The following SERPINC1 variants were observed in gnomAD, a reference collection of about 807,000 sequenced individuals.
The protein encoded by SERPINC1 is serpin family C member 1.
SERPINC1 carries 12 observed loss-of-function variants against 43.4 expected under a neutral mutation model. That is an observed-to-expected ratio of 0.28 (90% CI 0.18 to 0.45). The LOEUF (loss-of-function observed/expected upper bound fraction) is 0.45, where lower values mean the gene tolerates loss of function less well. Ranked by LOEUF, SERPINC1 falls within the 20% of genes least tolerant of loss-of-function variation. The pLI, the probability that SERPINC1 is intolerant of heterozygous loss-of-function variation, is 1.00. For synonymous variants in SERPINC1, 210 were observed against 218.9 expected (o/e 0.96, Z 0.36); for missense variants, 423 against 578.8 (o/e 0.73, Z 2.76).
At chr1:173,910,644 G>A (rs140695343) in intron 4 of SERPINC1, 110 bp downstream of exon 4, 161 of 936,416 alleles carry the variant, frequency 1.7e-4, no homozygotes, top group Middle Eastern at 6.3e-4. Flanking sequence ...TGTAGCTTTC[G>A]GCAGTCCATT....
intron 1 of SERPINC1, among the ~76,000 whole-genome samples, 199 bp downstream of exon 1, chr1:173,917,020 T>A (rs573643278): frequency 6.6e-6 from 1 of 151,982 alleles, no homozygotes; most frequent in East Asian, 1.9e-4. Flanking sequence ...ACCCAAGGGG[T>A]AGCTTAGGAA....
intron 1 of SERPINC1, among the ~76,000 whole-genome samples, chr1:173,916,329 C>A (rs1318921487): frequency 1.3e-5 from 2 of 152,108 alleles, no homozygotes; most frequent in Admixed American, 1.3e-4. Flanking sequence ...AGACAGGCAC[C>A]CAGTGCAGAT....
rs1178405461 is a variant in SERPINC1, at chr1:173,903,938, A to T, written c.1346T>A (p.Leu449Gln). 3 of 1,614,094 alleles carry T rather than the reference A, an allele frequency of 1.9e-6. No individual in the cohort carries two copies. The highest frequency in any genetic ancestry group is 4.5e-5 in the East Asian group (2 of 44,900). ...TCTGCCCATGAAGATAATAGTGTTCAGAGGAACTTCTCTTATAAAAACCAG... is the reference window on the plus strand; with the variant it reads ...TCTGCCCATGAAGATAATAGTGTTCTGAGGAACTTCTCTTATAAAAACCAG... The part of the protein sequence containing the change: ...PFLVFIREVP[L>Q]NTIIFMGRVA... The change falls in exon 7 of 7, where the codon CTG becomes CAG. Residue 449 changes from leucine (L) to glutamine (Q), a missense_variant. Coordinates refer to ENST00000367698, the MANE Select transcript of SERPINC1 (RefSeq NM_000488.4).
At chr1:173,911,745 A>G in intron 3 of SERPINC1, 54 bp downstream of exon 3, 1 of 1,385,670 alleles carries the variant, frequency 7.2e-7, no homozygotes, top group Admixed American at 1.7e-5. Context: ...CACCTCCTCA[A>G]TCTCTGAGTG....
chr1:173,911,398 C>T (rs529228658), intron 3 of SERPINC1, among the ~76,000 whole-genome samples: 26 of 152,216 alleles, frequency 1.7e-4, no homozygotes, highest in Non-Finnish European at 2.6e-4. Context: ...TTTCTCAGAA[C>T]CTTCATAGGC....
intron 3 of SERPINC1, among the ~76,000 whole-genome samples, chr1:173,911,504 T>C (rs568570968): frequency 1.4e-3 from 207 of 152,348 alleles, no homozygotes; most frequent in South Asian, 3.5e-3. Flanking sequence ...GTAAGATATC[T>C]TGTAGAACTG....
In SERPINC1 at chr1:173,917,260, G is replaced by A; in HGVS notation, c.-1C>T. 2 of 1,613,892 alleles carry A rather than the reference G, an allele frequency of 1.2e-6. No homozygotes were observed. Among genetic ancestry groups the A allele is most frequent in the Non-Finnish European group, 8.5e-7 (1 of 1,179,836 alleles). On this transcript the variant is annotated 5_prime_UTR_variant, in exon 1 of 7. Transcript: ENST00000367698. Reference sequence around the variant, plus strand: ...CAGTTCCTATCACATTGGAATACATGGCCGCTAATCTTCCACAGGGCTGGG... The same window carrying A: ...CAGTTCCTATCACATTGGAATACATAGCCGCTAATCTTCCACAGGGCTGGG...
At chr1:173,913,801 G>A (rs928188071) in intron 2 of SERPINC1, among the ~76,000 whole-genome samples, 1 of 150,916 alleles carries the variant, frequency 6.6e-6, no homozygotes, top group African/African-American at 2.5e-5. Flanking sequence ...GTTGCAGTGA[G>A]CTGAGATCGT....
rs757851817 is a variant in SERPINC1, at chr1:173,914,647, T to C, written c.314A>G (p.Asn105Ser). The C allele has an allele frequency of 3.7e-6, 6 of 1,614,220 alleles. No individual in the cohort carries two copies. The highest frequency in any genetic ancestry group is 1.1e-5 in the South Asian group (1 of 91,086). ...YQHLADSKND[N>S]DNIFLSPLSI... ...CAGGGGTGACAGGAAAATGTTATCA[T>C]TGTCATTCTTGGAATCTGCCAGGTG... is the stretch of plus-strand genomic sequence containing the variant. The change falls in exon 2 of 7, where the codon AAT becomes AGT. Residue 105 changes from asparagine to serine, a missense_variant. Transcript: ENST00000367698.
intron 4 of SERPINC1, 148 bp from the exon 5 acceptor site, chr1:173,910,090 G>T: frequency 1.2e-6 from 1 of 817,206 alleles, no homozygotes; most frequent in Non-Finnish European, 2.0e-6. Context: ...AACAATGGCT[G>T]TGTCAGAATG....
At chr1:173,910,408 C>A (rs1657718527) in intron 4 of SERPINC1, among the ~76,000 whole-genome samples, 1 of 151,710 alleles carries the variant, frequency 6.6e-6, no homozygotes, top group Admixed American at 6.6e-5. Flanking sequence ...GAAACCCCGT[C>A]TTTACTAAAA....
chr1:173,911,468 T>C (rs1657766850), intron 3 of SERPINC1, among the ~76,000 whole-genome samples: 1 of 152,250 alleles, frequency 6.6e-6, no homozygotes, highest in South Asian at 2.1e-4. Flanking sequence ...CCAACTTTAT[T>C]TGACCATGAT....
chr1:173,905,589 C>T (rs762744892), intron 6 of SERPINC1, among the ~76,000 whole-genome samples: 4 of 152,124 alleles, frequency 2.6e-5, no homozygotes, highest in African/African-American at 7.2e-5. Context: ...GGCGTGGTGG[C>T]GGGCACCTGT....
At chr1:173,912,053 G>A in intron 2 of SERPINC1, 39 bp from the exon 3 acceptor site, 1 of 1,482,116 alleles carries the variant, frequency 6.7e-7, no homozygotes, top group Non-Finnish European at 9.4e-7. Context: ...GGTTTGGTGG[G>A]CTGCCTAGTT....
intron 5 of SERPINC1, among the ~76,000 whole-genome samples, chr1:173,908,029 A>AATAAT (rs1657603851): frequency 8.8e-6 from 1 of 114,054 alleles, no homozygotes; most frequent in Non-Finnish European, 1.9e-5. Context: ...ATAATAATAA[A>AATAAT]AGTACTTTGG....
At position 173,905,549 on chromosome 1, in the gene SERPINC1, G is replaced by A. The variant is rs181384967; in HGVS notation, c.1219-1484C>T. On this transcript the variant is annotated intron_variant, in intron 6 of 6. Coordinates refer to ENST00000367698, the MANE Select transcript of SERPINC1 (RefSeq NM_000488.4). ...AGCCTGGCCAACATGGTGAAACCCC[G>A]TCTCTACTAAAAATACAAAAATTTA... is the stretch of plus-strand genomic sequence containing the variant. Among the ~76,000 whole-genome samples, 108 of 152,178 alleles carry A rather than the reference G, an allele frequency of 7.1e-4. 1 individual carries two copies. Among genetic ancestry groups the A allele is most frequent in the Non-Finnish European group, 1.3e-3 (90 of 68,014 alleles).
In SERPINC1 at chr1:173,905,491, AG is replaced by A. The variant is rs2227615; in HGVS notation, c.1219-1427del. Among the ~76,000 whole-genome samples, 679 of 152,252 alleles carry A rather than the reference AG, an allele frequency of 4.5e-3. 5 individuals are homozygous for A. Among genetic ancestry groups the A allele is most frequent in the African/African-American group, 0.015 (642 of 41,542 alleles). On this transcript the variant is annotated intron_variant, in intron 6 of 6. Transcript: ENST00000367698. ...TCCCAGCACTTTGGGAGGCCGAGTC[AG>A]GTGGATCACTTAAGGTCAGGAGTTT...
At chr1:173,914,217 GAATA>G (rs1215148168) in intron 2 of SERPINC1, among the ~76,000 whole-genome samples, 6 of 152,246 alleles carry the variant, frequency 3.9e-5, no homozygotes, top group South Asian at 2.1e-4. Context: ...AGTGCTGAAT[GAATA>G]AATAAATAAA....
chr1:173,903,865 A>C lies in SERPINC1; in HGVS notation c.*24T>G. The C allele has an allele frequency of 6.2e-7, 1 of 1,607,642 alleles. No homozygotes were observed. Among genetic ancestry groups the C allele is most frequent in the Non-Finnish European group, 8.5e-7 (1 of 1,174,168 alleles). Reference sequence around the variant, plus strand: ...TTCTGTTCACAAACCAAAAATAGGAAGAGGTGCAAAGAATAAGAACATTTT... The same window carrying C: ...TTCTGTTCACAAACCAAAAATAGGACGAGGTGCAAAGAATAAGAACATTTT... On this transcript the variant is annotated 3_prime_UTR_variant, in exon 7 of 7. Transcript: ENST00000367698.
Sources: allele counts gnomAD v4.1 joint callset (sites outside exome capture counted in the v4.1 genomes callset), GRCh38; gene constraint gnomAD v4.1.1; transcripts MANE v1.5; gene names NCBI Gene and HGNC (gene_info 2026-07-23, HGNC 2026-07-21).